The following RILP variants were observed in gnomAD, a reference collection of about 807,000 sequenced individuals.
RILP encodes Rab interacting lysosomal protein, also known as rab-interacting lysosomal protein.
RILP carries 53 observed loss-of-function variants against 40.0 expected under a neutral mutation model. The observed-to-expected ratio is 1.32, with a 90% CI of 1.06 to 1.66. The LOEUF (loss-of-function observed/expected upper bound fraction) is 1.66. Ranked by LOEUF, RILP falls within the 40% of genes most tolerant of loss-of-function variation. RILP has a pLI of 0.00. For missense variants in RILP, 626 were observed against 551.7 expected, an observed-to-expected ratio of 1.13 and a Z score of -1.35; for synonymous variants, 272 against 250.6, an observed-to-expected ratio of 1.09 and a Z score of -0.80.
chr17:1,646,864 C>T lies in RILP; in HGVS notation c.1028+42G>A. On this transcript the variant is annotated intron_variant, in intron 7 of 7. Transcript: ENST00000301336. This position sits in a 1 kb window ranked among gnomAD's most constrained non-coding sequence, Gnocchi z 4.3. ...TGAGAAGGACCAGCCAGGGCCCTTC[C>T]TCCCTCCCCACACTCTTGCCTTTCC... 8 of 1,449,106 alleles carry T rather than the reference C, an allele frequency of 5.5e-6. No homozygotes were observed. The highest frequency in any genetic ancestry group is 7.5e-6 in the Non-Finnish European group (8 of 1,062,092). The allele number at this position is 1,449,106 out of a possible 1,614,324, so 89.8% of individuals were successfully genotyped here.
Position 1,649,084 on chromosome 17 carries a change from G to T in RILP, c.430-40C>A. ...AAGGGTGGGGTGGGCGGGGCACCGA[G>T]GGCCCCCCGGAGCCCCGCCCAGCGC... On this transcript the variant is annotated intron_variant, in intron 3 of 7. Transcript: ENST00000301336. This position sits in a 1 kb window ranked among gnomAD's most constrained non-coding sequence, Gnocchi z 4.3. 1 of 1,214,570 alleles carries T rather than the reference G, an allele frequency of 8.2e-7. No homozygotes were observed. The highest frequency in any genetic ancestry group is 1.0e-6 in the Non-Finnish European group (1 of 968,746). The allele number at this position is 1,214,570 out of a possible 1,614,324, so 75.2% of individuals were successfully genotyped here. A position where few individuals can be genotyped will look rare whatever the true frequency, so the allele number is the denominator to read the frequency against.
rs1050760865 is a variant in RILP, at chr17:1,649,561, G to A, written c.228+16C>T. On this transcript the variant is annotated intron_variant, in intron 1 of 7. Coordinates refer to ENST00000301336, the MANE Select transcript of RILP (RefSeq NM_031430.3). This position sits in a 1 kb window ranked among gnomAD's most constrained non-coding sequence, Gnocchi z 4.3. ...CTGCCGGCCCCGTGGGTGGCGAAGG[G>A]AGGGCCATGACTCACCGAGTCCGGG... The A allele has an allele frequency of 1.5e-5, 23 of 1,527,410 alleles. No homozygotes were observed. Among genetic ancestry groups the A allele is most frequent in the Non-Finnish European group, 1.8e-5 (21 of 1,145,202 alleles). 94.6% of individuals were successfully genotyped at this position (1,527,410 alleles called of 1,614,324 possible).
chr17:1,649,785 G>A lies in RILP; in HGVS notation c.20C>T (p.Ala7Val). Residue 7 changes from alanine (A) to valine (V), a missense_variant, in exon 1 of 8, where the codon GCG becomes GTG. Transcript: ENST00000301336. The surrounding 1 kb of genome is among the most constrained non-coding windows in gnomAD (Gnocchi z 4.3). MEPRRA[A>V]PGVPGWGSRE... ...AGACCCCCAGCCAGGCACCCCGGGC[G>A]CCGCCCTCCTGGGCTCCATGTCTCC... is the stretch of plus-strand genomic sequence containing the variant. 1.3e-6 allele frequency: 2 copies of A among 1,554,822 alleles called. No homozygotes were observed. The highest frequency in any genetic ancestry group is 8.6e-7 in the Non-Finnish European group (1 of 1,157,176).
chr17:1,649,720 A>G lies in RILP; in HGVS notation c.85T>C (p.Tyr29His). 6 of 1,592,620 alleles carry G rather than the reference A, an allele frequency of 3.8e-6. No individual in the cohort carries two copies. Among genetic ancestry groups the G allele is most frequent in the Non-Finnish European group, 5.1e-6 (6 of 1,176,920 alleles). ...GTGCCCAGGGCCCCGGCTAGATGGT[A>G]CACAAGCTCCGCGGCCGATGCCGAC... ...AGSASAAELV[Y>H]HLAGALGTEL... The change falls in exon 1 of 8, where the codon TAC becomes CAC. Residue 29 changes from tyrosine to histidine, a missense_variant. Physicochemically the swap from Tyr to His is moderately conservative, Grantham distance 83 (BLOSUM62 2). Transcript: ENST00000301336. This position sits in a 1 kb window ranked among gnomAD's most constrained non-coding sequence, Gnocchi z 4.3.
At position 1,648,789 on chromosome 17, in the gene RILP, C is replaced by T; in HGVS notation, c.675+10G>A. ...CCTGGGCTGGGTCCTTGCCCTCATA[C>T]GGCACTCACCGGGTCCTCAGGGTTC... On this transcript the variant is annotated intron_variant, in intron 4 of 7. Coordinates refer to ENST00000301336, the MANE Select transcript of RILP (RefSeq NM_031430.3). The surrounding 1 kb of genome is among the most constrained non-coding windows in gnomAD (Gnocchi z 4.9). 5 of 1,498,718 alleles carry T rather than the reference C, an allele frequency of 3.3e-6. No individual in the cohort carries two copies. The highest frequency in any genetic ancestry group is 4.4e-6 in the Non-Finnish European group (5 of 1,133,678). The allele number at this position is 1,498,718 out of a possible 1,614,324, so 92.8% of individuals were successfully genotyped here.
chr17:1,646,836 T>G lies in RILP; in HGVS notation c.1028+70A>C. ...ACGGGCAGAGAAGCGGGAAAGGGGA[T>G]CCTGAGAAGGACCAGCCAGGGCCCT... On this transcript the variant is annotated intron_variant, in intron 7 of 7. Transcript: ENST00000301336. This position sits in a 1 kb window ranked among gnomAD's most constrained non-coding sequence, Gnocchi z 4.3. 8.2e-7 allele frequency: 1 copy of G among 1,221,550 alleles called. No homozygotes were observed. Among genetic ancestry groups the G allele is most frequent in the Non-Finnish European group, 1.1e-6 (1 of 876,254 alleles). 75.7% of individuals were successfully genotyped at this position (1,221,550 alleles called of 1,614,324 possible).
Position 1,648,839 on chromosome 17 carries a change from G to A in RILP, c.635C>T (p.Ala212Val), listed in dbSNP as rs775282661. Residue 212 changes from alanine (A) to valine (V), a missense_variant, in exon 4 of 8, where the codon GCG (alanine) becomes GTG (valine). Ala to Val is a moderately conservative substitution (Grantham distance 64, BLOSUM62 0). Transcript: ENST00000301336. The surrounding 1 kb of genome is among the most constrained non-coding windows in gnomAD (Gnocchi z 4.9). ...CCCTGGGGCGCCTGCGCCGGCGGTC[G>A]CCCATTCGGGCTCCTGTCCGTGCTG... is the stretch of plus-strand genomic sequence containing the variant. ...GHQHGQEPEW[A>V]TAGAGAPGNP... The A allele has an allele frequency of 9.1e-6, 14 of 1,534,864 alleles. No individual in the cohort carries two copies. Among genetic ancestry groups the A allele is most frequent in the East Asian group, 2.4e-5 (1 of 41,570 alleles).
chr17:1,647,128 G>A (rs530087060), intron 6 of RILP, 139 bp from the exon 7 acceptor site: 55 of 461,758 alleles, frequency 1.2e-4, no homozygotes, highest in South Asian at 5.0e-4. Context: ...GCAGGATGTC[G>A]AGCCTTTAAT....
In RILP at chr17:1,649,463, G is replaced by A. The variant is rs1910837147; in HGVS notation, c.271C>T (p.Leu91=). Residue 91 remains leucine, a synonymous_variant, in exon 2 of 8, where the codon CTG becomes TTG. Coordinates refer to ENST00000301336, the MANE Select transcript of RILP (RefSeq NM_031430.3). This position sits in a 1 kb window ranked among gnomAD's most constrained non-coding sequence, Gnocchi z 4.3. The part of the protein sequence containing the change: ...AQPAEQELRR[L]REENERLRRE... ...CGGAGGCGCTCGTTCTCCTCCCGCAGCCGCCGCAGCTCCTGCTCCGCCGGC... is the reference window on the plus strand; with the variant it reads ...CGGAGGCGCTCGTTCTCCTCCCGCAACCGCCGCAGCTCCTGCTCCGCCGGC... 1 of 1,511,804 alleles carries A rather than the reference G, an allele frequency of 6.6e-7. No homozygotes were observed. The highest frequency in any genetic ancestry group is 8.8e-7 in the Non-Finnish European group (1 of 1,137,816). The allele number at this position is 1,511,804 out of a possible 1,614,324, so 93.6% of individuals were successfully genotyped here. A position where few individuals can be genotyped will look rare whatever the true frequency, so the allele number is the denominator to read the frequency against.
chr17:1,648,693 C>G lies in RILP; in HGVS notation c.675+106G>C. 1 of 1,425,512 alleles carries G rather than the reference C, an allele frequency of 7.0e-7. No individual in the cohort carries two copies. The highest frequency in any genetic ancestry group is 9.2e-7 in the Non-Finnish European group (1 of 1,089,414). 88.3% of individuals were successfully genotyped at this position (1,425,512 alleles called of 1,614,324 possible). On this transcript the variant is annotated intron_variant, in intron 4 of 7. Coordinates refer to ENST00000301336, the MANE Select transcript of RILP (RefSeq NM_031430.3). This position sits in a 1 kb window ranked among gnomAD's most constrained non-coding sequence, Gnocchi z 4.9. ...GGCGCAGATCTGTCTGCCACCTCCC[C>G]GCTTCCTGGCCGACCTGCTGTGCAG...
rs1362752803 is a variant in RILP at position 1,648,153 on chromosome 17, T to G, written c.822-196A>C. ...CCCCGTGGCCCCCTCCTAGGAGAGATTCCCTGGCTGCTGCAGCTGCAACCC... is the reference window on the plus strand; with the variant it reads ...CCCCGTGGCCCCCTCCTAGGAGAGAGTCCCTGGCTGCTGCAGCTGCAACCC... On this transcript the variant is annotated intron_variant, in intron 5 of 7. Coordinates refer to ENST00000301336, the MANE Select transcript of RILP (RefSeq NM_031430.3). The surrounding 1 kb of genome is among the most constrained non-coding windows in gnomAD (Gnocchi z 4.9). Among the ~76,000 whole-genome samples the G allele has an allele frequency of 6.6e-6, 1 of 152,130 alleles. No individual in the cohort carries two copies. The highest frequency in any genetic ancestry group is 1.5e-5 in the Non-Finnish European group (1 of 67,982).
At position 1,648,474 on chromosome 17, in the gene RILP, C is replaced by G. The variant is rs142401715; in HGVS notation, c.697G>C (p.Gly233Arg). The G allele has an allele frequency of 3.1e-6, 5 of 1,613,400 alleles. No homozygotes were observed. The African/African-American group carries it at 6.7e-5, about 22-fold the overall frequency. Residue 233 changes from glycine to arginine, a missense_variant, in exon 5 of 8, where the codon GGG becomes CGG. Physicochemically the swap from Gly to Arg is moderately radical, Grantham distance 125. Coordinates refer to ENST00000301336, the MANE Select transcript of RILP (RefSeq NM_031430.3). This position sits in a 1 kb window ranked among gnomAD's most constrained non-coding sequence, Gnocchi z 4.9. ...CACTGCCCTGCCTCCGAGGGGCGCC[C>G]GAGCTGCTGCGCGGCCTCCGCCTTT... is the stretch of plus-strand genomic sequence containing the variant. ...EDPAEAAQQL[G>R]RPSEAGQCRF...
At position 1,649,856 on chromosome 17, in the gene RILP, C is replaced by G. The variant is rs114286466; in HGVS notation, c.-52G>C. The G allele has an allele frequency of 1.4e-6, 2 of 1,404,710 alleles. No individual in the cohort carries two copies. The highest frequency in any genetic ancestry group is 2.9e-5 in the African/African-American group (2 of 69,386). 87.0% of individuals were successfully genotyped at this position (1,404,710 alleles called of 1,614,324 possible). Reference sequence around the variant, plus strand: ...CCCCCCACCCCACCCTCCACTGGGACGGGGAAAAGCGAAACAGTTCCGCCC... The same window carrying G: ...CCCCCCACCCCACCCTCCACTGGGAGGGGGAAAAGCGAAACAGTTCCGCCC... On this transcript the variant is annotated 5_prime_UTR_variant, in exon 1 of 8. Coordinates refer to ENST00000301336, the MANE Select transcript of RILP (RefSeq NM_031430.3). This position sits in a 1 kb window ranked among gnomAD's most constrained non-coding sequence, Gnocchi z 4.3.
chr17:1,648,042 C>G lies in RILP; in HGVS notation c.822-85G>C. On this transcript the variant is annotated intron_variant, in intron 5 of 7. Coordinates refer to ENST00000301336, the MANE Select transcript of RILP (RefSeq NM_031430.3). The surrounding 1 kb of genome is among the most constrained non-coding windows in gnomAD (Gnocchi z 4.9). ...CAGTGGAGATGCCAGCCGCAGTCCTCACTCCTGGTACCTGTGCACGCAGCT... is the reference window on the plus strand; with the variant it reads ...CAGTGGAGATGCCAGCCGCAGTCCTGACTCCTGGTACCTGTGCACGCAGCT... The G allele has an allele frequency of 6.5e-7, 1 of 1,542,518 alleles. No individual in the cohort carries two copies. Among genetic ancestry groups the G allele is most frequent in the South Asian group, 1.1e-5 (1 of 87,038 alleles).
At position 1,649,288 on chromosome 17, in the gene RILP, C is replaced by G; in HGVS notation, c.341G>C (p.Arg114Pro). 1.3e-6 allele frequency: 2 copies of G among 1,504,030 alleles called. No individual in the cohort carries two copies. Among genetic ancestry groups the G allele is most frequent in the Non-Finnish European group, 1.8e-6 (2 of 1,133,538 alleles). The allele number at this position is 1,504,030 out of a possible 1,614,324, so 93.2% of individuals were successfully genotyped here. Residue 114 changes from arginine (R) to proline (P), a missense_variant, in exon 3 of 8, where the codon CGG becomes CCG. By Grantham distance (103) the Arg-to-Pro change is moderately radical. Transcript: ENST00000301336. The surrounding 1 kb of genome is among the most constrained non-coding windows in gnomAD (Gnocchi z 4.3). ...TCGGTCCGTGACCTCCTTGAGCTGC[C>G]GCAGCAGCGCGCGCTCCTCTGAGGA... ...AGPQEERALL[R>P]QLKEVTDRQR...
rs868210485 is a variant in RILP at position 1,649,258 on chromosome 17, C to T, written c.371G>A (p.Arg124Gln). ...GCGGTTGTGCGCCCGGAGTTCGTCCCGCTGTCGGTCCGTGACCTCCTTGAG... is the reference window on the plus strand; with the variant it reads ...GCGGTTGTGCGCCCGGAGTTCGTCCTGCTGTCGGTCCGTGACCTCCTTGAG... ...RQLKEVTDRQRDELRAHNRDL... is the reference protein window; with the variant it reads ...RQLKEVTDRQQDELRAHNRDL... Residue 124 changes from arginine (R) to glutamine (Q), a missense_variant, in exon 3 of 8, where the codon CGG (arginine) becomes CAG (glutamine). Physicochemically the swap from Arg to Gln is conservative, Grantham distance 43 (BLOSUM62 1). Transcript: ENST00000301336. The surrounding 1 kb of genome is among the most constrained non-coding windows in gnomAD (Gnocchi z 4.3). 2.0e-6 allele frequency: 3 copies of T among 1,507,330 alleles called. No homozygotes were observed. The highest frequency in any genetic ancestry group is 2.5e-5 in the South Asian group (2 of 81,282). The allele number at this position is 1,507,330 out of a possible 1,614,324, so 93.4% of individuals were successfully genotyped here. A position where few individuals can be genotyped will look rare whatever the true frequency, so the allele number is the denominator to read the frequency against.
Position 1,647,886 on chromosome 17 carries a change from C to T in RILP, c.893G>A (p.Arg298Gln), listed in dbSNP as rs202214709. The T allele has an allele frequency of 2.1e-5, 34 of 1,614,056 alleles. No homozygotes were observed. Among genetic ancestry groups the T allele is most frequent in the Middle Eastern group, 1.6e-4 (1 of 6,084 alleles). The change falls in exon 6 of 8, where the codon CGG becomes CAG. Residue 298 changes from arginine to glutamine, a missense_variant. Coordinates refer to ENST00000301336, the MANE Select transcript of RILP (RefSeq NM_031430.3). ...TAACATCTTGGCCTTGATCTTCTTC[C>T]GCTGCTTCCGGACAGCCACCTTCAT... The part of the protein sequence containing the change: ...EAMKVAVRKQ[R>Q]KKIKAKMLGT...
chr17:1,648,626 G>GGCACAAAGATCA lies in RILP; in HGVS notation c.676-132_676-131insTGATCTTTGTGC. Reference sequence around the variant, plus strand: ...GACAAGGGTGCCCTAACAGATAACAGAGCAGTGCTCCAGCTGAGAGCGGGG... The same window carrying GGCACAAAGATCA: ...GACAAGGGTGCCCTAACAGATAACAGGCACAAAGATCAAGCAGTGCTCCAGCTGAGAGCGGGG... On this transcript the variant is annotated intron_variant, in intron 4 of 7. Coordinates refer to ENST00000301336, the MANE Select transcript of RILP (RefSeq NM_031430.3). This position sits in a 1 kb window ranked among gnomAD's most constrained non-coding sequence, Gnocchi z 4.9. 7.0e-7 allele frequency: 1 copy of GGCACAAAGATCA among 1,421,816 alleles called. No homozygotes were observed. The highest frequency in any genetic ancestry group is 9.3e-7 in the Non-Finnish European group (1 of 1,077,286). 88.1% of individuals were successfully genotyped at this position (1,421,816 alleles called of 1,614,324 possible).
chr17:1,648,233 A>G lies in RILP; in HGVS notation c.821+117T>C. 7.5e-7 allele frequency: 1 copy of G among 1,339,852 alleles called. No homozygotes were observed. Among genetic ancestry groups the G allele is most frequent in the Non-Finnish European group, 1.0e-6 (1 of 972,724 alleles). 83.0% of individuals were successfully genotyped at this position (1,339,852 alleles called of 1,614,324 possible). Reference sequence around the variant, plus strand: ...GACATTGCAGGAGGGCAAGGGCTGTACAATTCATGTCCTCCCAGTTCCCAG... The same window carrying G: ...GACATTGCAGGAGGGCAAGGGCTGTGCAATTCATGTCCTCCCAGTTCCCAG... On this transcript the variant is annotated intron_variant, in intron 5 of 7. Coordinates refer to ENST00000301336, the MANE Select transcript of RILP (RefSeq NM_031430.3). The surrounding 1 kb of genome is among the most constrained non-coding windows in gnomAD (Gnocchi z 4.9).
Sources: gnomAD v4.1 joint callset for allele counts (sites outside exome capture counted in the v4.1 genomes callset) on GRCh38, gnomAD v4.1.1 for gene constraint, Gnocchi (gnomAD v3.1) non-coding constraint, MANE v1.5 for transcripts, NCBI Gene and HGNC (gene_info 2026-07-23, HGNC 2026-07-21) for gene names.